EPHB1: variants seen among roughly 807,000 people sequenced by gnomAD.
The protein encoded by EPHB1 is EPH receptor B1, also known as ephrin type-B receptor 1.
In EPHB1, 30 loss-of-function variants were observed where a neutral mutation model predicts 94.4. That is an observed-to-expected ratio of 0.32 (90% CI 0.24 to 0.43). The LOEUF (loss-of-function observed/expected upper bound fraction) is 0.43, where lower values mean the gene tolerates loss of function less well. Among genes scored for constraint, EPHB1 ranks in the 20% least tolerant of loss-of-function variants. The pLI, the probability that EPHB1 is intolerant of heterozygous loss-of-function variation, is 1.00. For missense variants in EPHB1, 1,055 were observed against 1,308.3 expected, an observed-to-expected ratio of 0.81 and a Z score of 2.99; for synonymous variants, 522 against 489.1, an observed-to-expected ratio of 1.07 and a Z score of -0.89.
intron 1 of EPHB1, among the ~76,000 whole-genome samples, chr3:134,803,455 G>A (rs577401009): frequency 4.0e-4 from 61 of 152,268 alleles, no homozygotes; most frequent in African/African-American, 1.4e-3. Flanking sequence ...GAGCCAGCAA[G>A]GGATCAGGCT....
At chr3:134,930,377 T>G (rs1257425611) in intron 2 of EPHB1, among the ~76,000 whole-genome samples, 1 of 152,240 alleles carries the variant, frequency 6.6e-6, no homozygotes, top group East Asian at 1.9e-4. Flanking sequence ...GCCTTTAGGT[T>G]TAATCTAAAT....
At chr3:135,033,965 C>T (rs1308557256) in intron 3 of EPHB1, among the ~76,000 whole-genome samples, 1 of 152,152 alleles carries the variant, frequency 6.6e-6, no homozygotes, top group Non-Finnish European at 1.5e-5. Flanking sequence ...TATTGTGCTG[C>T]ACGGTCTCCC....
intron 1 of EPHB1, among the ~76,000 whole-genome samples, chr3:134,873,182 G>A (rs2037539064): frequency 1.3e-5 from 2 of 152,202 alleles, no homozygotes; most frequent in South Asian, 4.1e-4. Flanking sequence ...AAGGAGGGAG[G>A]GAAGAGAGCA....
chr3:134,867,500 A>G (rs985426065), intron 1 of EPHB1, among the ~76,000 whole-genome samples: 2 of 152,186 alleles, frequency 1.3e-5, no homozygotes, highest in Non-Finnish European at 2.9e-5. Context: ...TGAGCAGCCC[A>G]AGGGCCTAGG....
chr3:134,969,158 T>C (rs1303950854), intron 3 of EPHB1, among the ~76,000 whole-genome samples: 1 of 152,228 alleles, frequency 6.6e-6, no homozygotes, highest in Non-Finnish European at 1.5e-5. Context: ...TGTTCTGCCT[T>C]TTTGGCAGCA....
intron 3 of EPHB1, among the ~76,000 whole-genome samples, chr3:135,043,220 T>A (rs534686976): frequency 1.2e-4 from 18 of 151,936 alleles, no homozygotes; most frequent in African/African-American, 4.3e-4. Context: ...CTCCTAGGAT[T>A]TTATTTTCTT....
chr3:135,200,660 C>G (rs9824249), intron 11 of EPHB1, among the ~76,000 whole-genome samples: 85,308 of 151,940 alleles, frequency 0.56, 24,755 homozygotes, highest in South Asian at 0.71. Context: ...TCTTGTCCTC[C>G]AAGAGTATAA....
At chr3:134,854,709 A>T (rs1032807280) in intron 1 of EPHB1, among the ~76,000 whole-genome samples, 1 of 152,196 alleles carries the variant, frequency 6.6e-6, no homozygotes, top group Non-Finnish European at 1.5e-5. Context: ...ATTGACTGCT[A>T]TAAAATTGAG....
chr3:134,823,945 C>T (rs1397656451), intron 1 of EPHB1: 1 of 152,154 alleles, frequency 6.6e-6, no homozygotes, highest in Admixed American at 6.5e-5. Flanking sequence ...TGCGGAAGGC[C>T]TTCCATCAGC....
chr3:134,807,717 G>A (rs148667427), intron 1 of EPHB1, among the ~76,000 whole-genome samples: 5 of 152,148 alleles, frequency 3.3e-5, no homozygotes, highest in East Asian at 1.9e-4. Context: ...TACTGAGGAG[G>A]GTTTAATGAA....
chr3:135,226,217 C>T (rs1943396828), intron 12 of EPHB1, among the ~76,000 whole-genome samples: 1 of 152,204 alleles, frequency 6.6e-6, no homozygotes, highest in African/African-American at 2.4e-5. Flanking sequence ...AACCTGTGCC[C>T]TGTCTCATGG....
intron 3 of EPHB1, among the ~76,000 whole-genome samples, chr3:134,959,322 G>A (rs1415789632): frequency 6.6e-6 from 1 of 152,094 alleles, no homozygotes; most frequent in Non-Finnish European, 1.5e-5. Context: ...AGCATTTCTG[G>A]GCACCAGTCT....
At chr3:134,830,395 A>G (rs189699411) in intron 1 of EPHB1, among the ~76,000 whole-genome samples, 122 of 152,324 alleles carry the variant, frequency 8.0e-4, no homozygotes, top group African/African-American at 2.9e-3. Context: ...TTATTGCAAA[A>G]TGATATTTCT....
chr3:135,060,850 G>T (rs1937480121), intron 3 of EPHB1, among the ~76,000 whole-genome samples: 1 of 151,240 alleles, frequency 6.6e-6, no homozygotes, highest in African/African-American at 2.4e-5. Flanking sequence ...ATTGACTATT[G>T]TCACCCTGTC....
chr3:134,952,784 C>A (rs1933086932), intron 3 of EPHB1, among the ~76,000 whole-genome samples: 1 of 152,168 alleles, frequency 6.6e-6, no homozygotes, highest in Non-Finnish European at 1.5e-5. Flanking sequence ...TAGCACTAGC[C>A]CTAGAAAGCC....
At chr3:134,981,480 C>T (rs1934400763) in intron 3 of EPHB1, among the ~76,000 whole-genome samples, 1 of 152,184 alleles carries the variant, frequency 6.6e-6, no homozygotes, top group Non-Finnish European at 1.5e-5. Flanking sequence ...CTTCTATTTA[C>T]AACTCACTTT....
intron 2 of EPHB1, among the ~76,000 whole-genome samples, chr3:134,944,115 C>T (rs1254950456): frequency 1.3e-5 from 2 of 152,040 alleles, no homozygotes; most frequent in Admixed American, 6.6e-5. Flanking sequence ...AGTTTGTAGT[C>T]GCTCCCCATT....
chr3:135,137,939 A>G (rs1940679654), intron 5 of EPHB1, among the ~76,000 whole-genome samples: 1 of 152,192 alleles, frequency 6.6e-6, no homozygotes, highest in Admixed American at 6.5e-5. Context: ...ACCAGAAACG[A>G]AAGTAGCAAA....
At chr3:135,075,302 G>A (rs1937870130) in intron 3 of EPHB1, among the ~76,000 whole-genome samples, 1 of 152,042 alleles carries the variant, frequency 6.6e-6, no homozygotes. Context: ...AGAGTCTGCT[G>A]GCATCTCCCT....
Sources: gnomAD v4.1 joint callset for allele counts (sites outside exome capture counted in the v4.1 genomes callset) on GRCh38, gnomAD v4.1.1 for gene constraint, MANE v1.5 for transcripts, NCBI Gene and HGNC (gene_info 2026-07-23, HGNC 2026-07-21) for gene names.